ACYP2: variants seen among roughly 807,000 people sequenced by gnomAD.
ACYP2 encodes acylphosphatase 2.
A neutral mutation model predicts 11.2 loss-of-function variants in ACYP2; 12 were observed. That is an observed-to-expected ratio of 1.08 (90% CI 0.69 to 1.74). The LOEUF is 1.74. Among genes scored for constraint, ACYP2 ranks in the 40% most tolerant of loss-of-function variants. The probability of loss-of-function intolerance (pLI) is 0.00; values close to 1 mark genes in which losing one functional copy is unlikely to be tolerated. For synonymous variants in ACYP2, 43 were observed against 32.2 expected, an observed-to-expected ratio of 1.33 and a Z score of -1.13; for missense variants, 134 against 101.9, an observed-to-expected ratio of 1.31 and a Z score of -1.35.
intron 6 of ACYP2, among the ~76,000 whole-genome samples, chr2:54,281,336 C>T (rs1050369122): frequency 3.3e-5 from 5 of 152,124 alleles, no homozygotes; most frequent in Non-Finnish European, 7.4e-5. Flanking sequence ...AATTAAGTAC[C>T]ATGTTTAAAG....
chr2:54,255,197 C>G, intron 6 of ACYP2: 6 of 1,614,132 alleles, frequency 3.7e-6, no homozygotes, highest in Non-Finnish European at 5.1e-6. Context: ...ACCACTTGGC[C>G]GAAGGATCTG....
At chr2:54,008,312 C>G (rs1321832140) in intron 2 of ACYP2, among the ~76,000 whole-genome samples, 1 of 152,174 alleles carries the variant, frequency 6.6e-6, no homozygotes, top group East Asian at 1.9e-4. Context: ...TCTCAGTATT[C>G]CTCAACATTC....
At chr2:54,200,786 T>C (rs1315007849) in intron 6 of ACYP2, among the ~76,000 whole-genome samples, 1 of 152,204 alleles carries the variant, frequency 6.6e-6, no homozygotes, top group African/African-American at 2.4e-5. Context: ...GTAGAATTGC[T>C]GGGTTATTTG....
intron 2 of ACYP2, among the ~76,000 whole-genome samples, chr2:54,025,350 C>T (rs530136021): frequency 2.0e-5 from 3 of 152,142 alleles, no homozygotes; most frequent in Non-Finnish European, 4.4e-5. Context: ...GCTATAGTCA[C>T]CAAAACAGCA....
At chr2:54,130,777 C>T (rs528884518) in intron 4 of ACYP2, among the ~76,000 whole-genome samples, 3 of 152,198 alleles carry the variant, frequency 2.0e-5, no homozygotes, top group African/African-American at 7.2e-5. Context: ...GCGTGGTATC[C>T]AGATATGCCC....
At chr2:54,181,318 A>G (rs1683713847) in intron 6 of ACYP2, among the ~76,000 whole-genome samples, 1 of 152,180 alleles carries the variant, frequency 6.6e-6, no homozygotes, top group Non-Finnish European at 1.5e-5. Context: ...GGATAATACA[A>G]ACCTCATTTT....
intron 6 of ACYP2, among the ~76,000 whole-genome samples, chr2:54,252,474 T>C (rs1687272043): frequency 6.6e-6 from 1 of 152,176 alleles, no homozygotes; most frequent in African/African-American, 2.4e-5. Context: ...TTCTAAAGTA[T>C]CTGTACAAAG....
At chr2:54,294,291 A>C (rs1336934285) in intron 6 of ACYP2, among the ~76,000 whole-genome samples, 1 of 152,208 alleles carries the variant, frequency 6.6e-6, no homozygotes, top group Non-Finnish European at 1.5e-5. Context: ...GACTTGAATT[A>C]TTGAAAAGAC....
chr2:54,081,609 A>T (rs1677655832), intron 4 of ACYP2, among the ~76,000 whole-genome samples: 2 of 152,218 alleles, frequency 1.3e-5, no homozygotes, highest in Admixed American at 1.3e-4. Flanking sequence ...ATGCTTGCCC[A>T]GTGATGAAAT....
intron 4 of ACYP2, among the ~76,000 whole-genome samples, chr2:54,061,624 T>G (rs1001399134): frequency 1.3e-5 from 2 of 152,218 alleles, no homozygotes. Context: ...ATTGGTTAGT[T>G]CATGAAATTT....
intron 2 of ACYP2, among the ~76,000 whole-genome samples, chr2:53,987,309 C>T (rs761604801): frequency 6.0e-5 from 9 of 149,316 alleles, no homozygotes; most frequent in Non-Finnish European, 1.3e-4. Flanking sequence ...ATTTATGATA[C>T]ATATCTTTTT....
chr2:54,021,278 G>A (rs949387159), intron 2 of ACYP2, among the ~76,000 whole-genome samples: 1 of 152,174 alleles, frequency 6.6e-6, no homozygotes, highest in Non-Finnish European at 1.5e-5. Flanking sequence ...AGGTGACCAG[G>A]GGAATAGATG....
chr2:54,193,894 T>C (rs1028356557), intron 6 of ACYP2, among the ~76,000 whole-genome samples: 1 of 152,230 alleles, frequency 6.6e-6, no homozygotes, highest in Non-Finnish European at 1.5e-5. Flanking sequence ...TTATGATTCA[T>C]TTAAAACTTG....
intron 6 of ACYP2, among the ~76,000 whole-genome samples, chr2:54,277,111 C>T (rs778877225): frequency 6.6e-6 from 1 of 152,146 alleles, no homozygotes; most frequent in Non-Finnish European, 1.5e-5. Flanking sequence ...AAAATCTTTA[C>T]CTACATCCTT....
intron 6 of ACYP2, among the ~76,000 whole-genome samples, chr2:54,168,673 A>G (rs941228720): frequency 6.6e-6 from 1 of 152,194 alleles, no homozygotes; most frequent in Non-Finnish European, 1.5e-5. Context: ...AGATATAGTA[A>G]TCATTGAATT....
chr2:54,127,740 G>A (rs1041485743), intron 4 of ACYP2, among the ~76,000 whole-genome samples: 1 of 116,182 alleles, frequency 8.6e-6, no homozygotes, highest in African/African-American at 3.8e-5. Context: ...GCAACAGAGC[G>A]AGACTGTCTC....
At chr2:54,242,369 G>A (rs1323059907) in intron 6 of ACYP2, among the ~76,000 whole-genome samples, 1 of 152,214 alleles carries the variant, frequency 6.6e-6, no homozygotes, top group East Asian at 1.9e-4. Flanking sequence ...CTGAAGGCTT[G>A]TCTTGCCCAT....
At chr2:54,256,255 C>T (rs1171991253) in intron 6 of ACYP2, 21 of 1,352,040 alleles carry the variant, frequency 1.6e-5, no homozygotes, top group East Asian at 2.3e-5. Context: ...CCATTTGCGC[C>T]GCCCACTCTT....
At chr2:54,032,777 C>T (rs958975069) in intron 2 of ACYP2, among the ~76,000 whole-genome samples, 2 of 152,078 alleles carry the variant, frequency 1.3e-5, no homozygotes, top group Admixed American at 1.3e-4. Context: ...ATGTGATGGA[C>T]CTCTTCAAGG....
Sources: allele counts gnomAD v4.1 joint callset (sites outside exome capture counted in the v4.1 genomes callset), GRCh38; gene constraint gnomAD v4.1.1; transcripts MANE v1.5; gene names NCBI Gene and HGNC (gene_info 2026-07-23, HGNC 2026-07-21).